Variants in PCDHGB7 observed in about 807,000 individuals in gnomAD.
PCDHGB7 encodes the protein protocadherin gamma subfamily B, 7.
PCDHGB7 carries 37 observed loss-of-function variants against 61.4 expected under a neutral mutation model. The observed-to-expected ratio is 0.60, with a 90% CI of 0.46 to 0.79. PCDHGB7 has a LOEUF of 0.79. Ranked by LOEUF, PCDHGB7 falls within the 30% of genes least tolerant of loss-of-function variation. The probability of loss-of-function intolerance (pLI) is 0.00; values close to 1 mark genes in which losing one functional copy is unlikely to be tolerated. For synonymous variants in PCDHGB7, 464 were observed against 503.5 expected (o/e 0.92, Z 1.05); for missense variants, 1,166 against 1,202.5 (o/e 0.97, Z 0.45).
intron 1 of PCDHGB7, among the ~76,000 whole-genome samples, chr5:141,435,245 G>A (rs577996994): frequency 6.6e-6 from 1 of 152,132 alleles, no homozygotes; most frequent in Admixed American, 6.5e-5. Context: ...ATTCTTTCTG[G>A]CCATTAGGGA....
intron 1 of PCDHGB7, among the ~76,000 whole-genome samples, chr5:141,467,820 G>T (rs1278112158): frequency 6.6e-6 from 1 of 151,884 alleles, no homozygotes; most frequent in African/African-American, 2.4e-5. Flanking sequence ...CACCACACCA[G>T]GCTGATTTTT....
chr5:141,496,215 T>C (rs2099767024), intron 2 of PCDHGB7, among the ~76,000 whole-genome samples: 3 of 152,114 alleles, frequency 2.0e-5, no homozygotes, highest in Non-Finnish European at 4.4e-5. Context: ...TATGAATTCC[T>C]GCTGAGACAG....
At chr5:141,466,036 G>A (rs981390655) in intron 1 of PCDHGB7, among the ~76,000 whole-genome samples, 17 of 152,064 alleles carry the variant, frequency 1.1e-4, no homozygotes, top group Non-Finnish European at 2.5e-4. Flanking sequence ...GCAGGAGAAC[G>A]GCATGAACCC....
Position 141,494,815 on chromosome 5 carries a change from G to C in PCDHGB7, c.2424G>C (p.Pro808=). 6.2e-7 allele frequency: 1 copy of C among 1,613,976 alleles called. No individual in the cohort carries two copies. The highest frequency in any genetic ancestry group is 8.5e-7 in the Non-Finnish European group (1 of 1,179,982). Residue 808 remains proline, a synonymous_variant, in exon 2 of 4, where the codon CCG becomes CCC. Transcript: ENST00000398594. Reference sequence around the variant, plus strand: ...CTCTGTTTTCTCCACAGCAAGCCCCGCCCAACACGGACTGGCGTTTCTCTC... The same window carrying C: ...CTCTGTTTTCTCCACAGCAAGCCCCCCCCAACACGGACTGGCGTTTCTCTC... ...ADKKILKQQA[P]PNTDWRFSQA...
At chr5:141,440,859 T>C (rs1272611201) in intron 1 of PCDHGB7, 1 of 152,076 alleles carries the variant, frequency 6.6e-6, no homozygotes, top group Non-Finnish European at 1.5e-5. Context: ...CCTGTGTTCA[T>C]CTAGGATGTG....
chr5:141,506,109 A>G (rs1027886504), intron 3 of PCDHGB7, among the ~76,000 whole-genome samples: 5 of 152,126 alleles, frequency 3.3e-5, no homozygotes, highest in Middle Eastern at 3.2e-3. Flanking sequence ...GTCCCTGAAG[A>G]GTCACTAGGG....
At chr5:141,420,382 C>CA (rs1414569792) in intron 1 of PCDHGB7, 108 bp downstream of exon 1, 5 of 1,300,530 alleles carry the variant, frequency 3.8e-6, no homozygotes, top group Non-Finnish European at 5.1e-6. Flanking sequence ...ATAGAGTTCG[C>CA]AAAATATAGG....
rs562192762 is a variant in PCDHGB7, at chr5:141,485,718, T to C, written c.2416-9089T>C. 1 of 1,614,058 alleles carries C rather than the reference T, an allele frequency of 6.2e-7. No homozygotes were observed. The highest frequency in any genetic ancestry group is 2.2e-5 in the East Asian group (1 of 44,866). On this transcript the variant is annotated intron_variant, in intron 1 of 3. Coordinates refer to ENST00000398594, the MANE Select transcript of PCDHGB7 (RefSeq NM_018927.4). This position sits in a 1 kb window ranked among gnomAD's most constrained non-coding sequence, Gnocchi z 5.7. ...TCCAATGAACACTTTGCACTGGATG[T>C]GAAGAAGCGCAGCGACGGCAGCCTG...
At chr5:141,425,524 G>C (rs2096881323) in intron 1 of PCDHGB7, among the ~76,000 whole-genome samples, 1 of 152,184 alleles carries the variant, frequency 6.6e-6, no homozygotes, top group Non-Finnish European at 1.5e-5. Context: ...GATGAAACAT[G>C]AAACAATAAT....
intron 1 of PCDHGB7, chr5:141,430,828 G>C (rs760402028): frequency 1.3e-6 from 2 of 1,554,030 alleles, no homozygotes; most frequent in East Asian, 2.2e-5. Context: ...TGGGGACTCT[G>C]TGGGAGACCG....
intron 1 of PCDHGB7, chr5:141,428,221 G>T (rs1314522513): frequency 1.0e-5 from 12 of 1,177,166 alleles, no homozygotes; most frequent in East Asian, 4.9e-5. Context: ...CCTAGTCTTC[G>T]CAGACAGCCT....
In PCDHGB7 at chr5:141,461,259, T is replaced by C. The variant is rs114101293; in HGVS notation, c.2416-33548T>C. Among the ~76,000 whole-genome samples the C allele has an allele frequency of 4.2e-3, 640 of 152,290 alleles. 5 individuals are homozygous for C. The highest frequency in any genetic ancestry group is 0.015 in the African/African-American group (623 of 41,554). On this transcript the variant is annotated intron_variant, in intron 1 of 3. Coordinates refer to ENST00000398594, the MANE Select transcript of PCDHGB7 (RefSeq NM_018927.4). ...TACTAATTTATATTCCCAGCAGCAA[T>C]GTGTAAGTGTTCTCTTTTCCCCACA...
Position 141,432,394 on chromosome 5 carries a change from C to T in PCDHGB7, c.2415+12120C>T, listed in dbSNP as rs149830124. The T allele has an allele frequency of 1.7e-5, 27 of 1,614,260 alleles. No individual in the cohort carries two copies. The African/African-American group carries it at 2.7e-4, about 16-fold the overall frequency. On this transcript the variant is annotated intron_variant, in intron 1 of 3. Transcript: ENST00000398594. The surrounding 1 kb of genome is among the most constrained non-coding windows in gnomAD (Gnocchi z 6.0). ...ACGGGCACCCGCCCCTCAGCAGCAA[C>T]GTGTCGTTGAGCCTGTTCGTGCTGG...
rs919375073 is a variant in PCDHGB7 at position 141,490,642 on chromosome 5, C to A, written c.2416-4165C>A. On this transcript the variant is annotated intron_variant, in intron 1 of 3. Coordinates refer to ENST00000398594, the MANE Select transcript of PCDHGB7 (RefSeq NM_018927.4). This position sits in a 1 kb window ranked among gnomAD's most constrained non-coding sequence, Gnocchi z 5.4. ...CACTGCTTACATCCTAGAAAACCGG[C>A]CTCCGGGCTCCCTTCTTTGCACTGT... 4.3e-6 allele frequency: 7 copies of A among 1,614,102 alleles called. No individual in the cohort carries two copies. In the African/African-American group the frequency reaches 6.7e-5, roughly 15 times the overall value.
Position 141,491,844 on chromosome 5 carries a change from G to A in PCDHGB7, c.2416-2963G>A. On this transcript the variant is annotated intron_variant, in intron 1 of 3. Transcript: ENST00000398594. The surrounding 1 kb of genome is among the most constrained non-coding windows in gnomAD (Gnocchi z 6.9). ...GCTCCACCCGATTCTCGGGATCATT[G>A]GACCGTTTGCGCGAAACCAGAGTGG... 1 of 1,464,184 alleles carries A rather than the reference G, an allele frequency of 6.8e-7. No homozygotes were observed. 90.7% of individuals were successfully genotyped at this position (1,464,184 alleles called of 1,614,324 possible).
At chr5:141,438,610 A>G (rs2098013566) in intron 1 of PCDHGB7, among the ~76,000 whole-genome samples, 1 of 30,060 alleles carries the variant, frequency 3.3e-5, no homozygotes, top group African/African-American at 2.4e-4. Flanking sequence ...ATATATATAT[A>G]TATATATATA....
chr5:141,476,509 C>G lies in PCDHGB7; in HGVS notation c.2416-18298C>G. 6.2e-7 allele frequency: 1 copy of G among 1,614,144 alleles called. No individual in the cohort carries two copies. Among genetic ancestry groups the G allele is most frequent in the Non-Finnish European group, 8.5e-7 (1 of 1,180,022 alleles). ...TGGTGATCCAGGACATCAACGACAACAATCCTGCTTTCCCTACCCAGGAAA... is the reference window on the plus strand; with the variant it reads ...TGGTGATCCAGGACATCAACGACAAGAATCCTGCTTTCCCTACCCAGGAAA... On this transcript the variant is annotated intron_variant, in intron 1 of 3. Transcript: ENST00000398594. This position sits in a 1 kb window ranked among gnomAD's most constrained non-coding sequence, Gnocchi z 7.6.
intron 2 of PCDHGB7, among the ~76,000 whole-genome samples, chr5:141,499,496 T>C (rs1167360015): frequency 6.6e-6 from 1 of 152,182 alleles, no homozygotes; most frequent in East Asian, 1.9e-4. Flanking sequence ...CAGTTTAATA[T>C]GAAACATTTC....
In PCDHGB7 at chr5:141,486,128, G is replaced by C. The variant is rs1447222839; in HGVS notation, c.2416-8679G>C. ...TGAGAGTGAGAATTACTATGAATTT[G>C]ATGTGCGGGCTCGCGATGGGGGTTC... is the stretch of plus-strand genomic sequence containing the variant. On this transcript the variant is annotated intron_variant, in intron 1 of 3. Transcript: ENST00000398594. This position sits in a 1 kb window ranked among gnomAD's most constrained non-coding sequence, Gnocchi z 5.0. 6.2e-7 allele frequency: 1 copy of C among 1,614,066 alleles called. No homozygotes were observed. Among genetic ancestry groups the C allele is most frequent in the Non-Finnish European group, 8.5e-7 (1 of 1,180,034 alleles).
Sources: gnomAD v4.1 joint callset for allele counts (sites outside exome capture counted in the v4.1 genomes callset) on GRCh38, gnomAD v4.1.1 for gene constraint, Gnocchi (gnomAD v3.1) non-coding constraint, MANE v1.5 for transcripts, NCBI Gene and HGNC (gene_info 2026-07-23, HGNC 2026-07-21) for gene names.